Variants in SELENOF observed in about 807,000 individuals in gnomAD.
SELENOF encodes the protein 15 kDa selenoprotein.
In SELENOF, 16 loss-of-function variants were observed where a neutral mutation model predicts 20.5. The observed-to-expected ratio is 0.78, with a 90% CI of 0.53 to 1.19. The LOEUF (loss-of-function observed/expected upper bound fraction) is 1.19, where lower values mean the gene tolerates loss of function less well. Among genes scored for constraint, SELENOF ranks in the 50% most tolerant of loss-of-function variants. SELENOF has a pLI of 0.00. For missense variants in SELENOF, 215 were observed against 194.2 expected (o/e 1.11, Z -0.64); for synonymous variants, 78 against 74.5 (o/e 1.05, Z -0.24).
intron 3 of SELENOF, among the ~76,000 whole-genome samples, chr1:86,873,529 A>C (rs531831209): frequency 2.0e-5 from 3 of 152,276 alleles, no homozygotes; most frequent in African/African-American, 7.2e-5. Flanking sequence ...AGTGTGTCTA[A>C]GGAACTGAAT....
At chr1:86,886,785 T>C (rs112853435) in intron 2 of SELENOF, among the ~76,000 whole-genome samples, 2,996 of 152,236 alleles carry the variant, frequency 0.02, 106 homozygotes, top group African/African-American at 0.061. Flanking sequence ...TATAGGTCTA[T>C]TGAAGGTTTG....
chr1:86,866,708 T>C (rs978361055), intron 4 of SELENOF, among the ~76,000 whole-genome samples: 1 of 152,150 alleles, frequency 6.6e-6, no homozygotes, highest in Non-Finnish European at 1.5e-5. Context: ...TGAAAAGATA[T>C]TCAAATCATG....
At chr1:86,882,001 A>C (rs1659083100) in intron 2 of SELENOF, among the ~76,000 whole-genome samples, 1 of 152,144 alleles carries the variant, frequency 6.6e-6, no homozygotes, top group Admixed American at 6.5e-5. Context: ...AGGGAGGCTG[A>C]GGTGGGCGGA....
At chr1:86,872,947 G>A (rs911393526) in intron 3 of SELENOF, among the ~76,000 whole-genome samples, 2 of 152,074 alleles carry the variant, frequency 1.3e-5, no homozygotes, top group Admixed American at 6.5e-5. Flanking sequence ...GGCTGAGGCA[G>A]GAGAATGGCG....
intron 2 of SELENOF, among the ~76,000 whole-genome samples, chr1:86,886,932 A>C (rs959245916): frequency 1.1e-4 from 16 of 152,166 alleles, no homozygotes; most frequent in African/African-American, 3.9e-4. Context: ...CACTTTTCCA[A>C]ACACTAATAA....
At position 86,880,650 on chromosome 1, in the gene SELENOF, A is replaced by C. The variant is rs750239683; in HGVS notation, c.316+12T>G. 6.5e-7 allele frequency: 1 copy of C among 1,529,584 alleles called. No homozygotes were observed. The highest frequency in any genetic ancestry group is 2.3e-5 in the East Asian group (1 of 43,048). 94.8% of individuals were successfully genotyped at this position (1,529,584 alleles called of 1,614,324 possible). A position where few individuals can be genotyped will look rare whatever the true frequency, so the allele number is the denominator to read the frequency against. On this transcript the variant is annotated intron_variant, in intron 3 of 4. Coordinates refer to ENST00000331835, the MANE Select transcript of SELENOF (RefSeq NM_004261.5). ...AATGACTGAACAGTTTACTGGAGTAAATTTTATATACCTTGGACTTGAGGG... is the reference window on the plus strand; with the variant it reads ...AATGACTGAACAGTTTACTGGAGTACATTTTATATACCTTGGACTTGAGGG...
intron 3 of SELENOF, among the ~76,000 whole-genome samples, chr1:86,870,901 G>A (rs901674834): frequency 6.6e-6 from 1 of 152,072 alleles, no homozygotes. Flanking sequence ...TTACAGGCGT[G>A]AGCCACTGTG....
chr1:86,878,140 T>A (rs1658971838), intron 3 of SELENOF, among the ~76,000 whole-genome samples: 1 of 152,234 alleles, frequency 6.6e-6, no homozygotes, highest in African/African-American at 2.4e-5. Flanking sequence ...TTAGAAGGCA[T>A]ATTTGGAATT....
intron 3 of SELENOF, 144 bp downstream of exon 3, chr1:86,880,517 TG>T (rs1261149450): frequency 4.0e-6 from 2 of 502,986 alleles, no homozygotes; most frequent in Non-Finnish European, 7.0e-6. Flanking sequence ...ACCACTTCCA[TG>T]AAAACAAATT....
chr1:86,906,023 T>C (rs1659818577), intron 1 of SELENOF, among the ~76,000 whole-genome samples: 1 of 152,224 alleles, frequency 6.6e-6, no homozygotes, highest in Non-Finnish European at 1.5e-5. Context: ...TCCAGTGGCA[T>C]TTCCCAATGA....
At chr1:86,906,700 G>C (rs1659835814) in intron 1 of SELENOF, among the ~76,000 whole-genome samples, 1 of 152,200 alleles carries the variant, frequency 6.6e-6, no homozygotes, top group Non-Finnish European at 1.5e-5. Flanking sequence ...TCAGCTACTA[G>C]ACATGTGAGT....
intron 2 of SELENOF, among the ~76,000 whole-genome samples, chr1:86,892,053 C>T (rs1201931304): frequency 6.6e-6 from 1 of 151,884 alleles, no homozygotes; most frequent in Non-Finnish European, 1.5e-5. Context: ...GCCTCAGCCT[C>T]TGGAGTAGCT....
chr1:86,871,847 A>G (rs1557454621), intron 3 of SELENOF, among the ~76,000 whole-genome samples: 1 of 152,240 alleles, frequency 6.6e-6, no homozygotes, highest in African/African-American at 2.4e-5. Flanking sequence ...ATCACATTGT[A>G]ATCACCTCAT....
intron 2 of SELENOF, among the ~76,000 whole-genome samples, chr1:86,884,765 T>C (rs1659170724): frequency 1.3e-5 from 2 of 152,224 alleles, no homozygotes; most frequent in Admixed American, 6.5e-5. Context: ...AACAGCAAGT[T>C]GGTAGGCCTT....
chr1:86,885,305 A>G (rs1659185752), intron 2 of SELENOF, among the ~76,000 whole-genome samples: 2 of 152,194 alleles, frequency 1.3e-5, no homozygotes, highest in African/African-American at 2.4e-5. Context: ...AAAAGGCCAC[A>G]CTATTTTTGT....
At chr1:86,900,675 G>GAGGGAGACGGAGACAC (rs1659678986) in intron 2 of SELENOF, among the ~76,000 whole-genome samples, 2 of 151,860 alleles carry the variant, frequency 1.3e-5, no homozygotes, top group African/African-American at 2.4e-5. Flanking sequence ...GACGGAGACA[G>GAGGGAGACGGAGACAC]AGACGGAGAC....
chr1:86,875,058 A>G (rs575693281), intron 3 of SELENOF, among the ~76,000 whole-genome samples: 2 of 152,222 alleles, frequency 1.3e-5, no homozygotes, highest in East Asian at 3.9e-4. Flanking sequence ...ACATGGTGAA[A>G]CTCCATCTCT....
At chr1:86,880,246 C>A (rs1659031842) in intron 3 of SELENOF, among the ~76,000 whole-genome samples, 1 of 151,976 alleles carries the variant, frequency 6.6e-6, no homozygotes. Flanking sequence ...AGTGATTCTC[C>A]CGCCTCCGCC....
intron 2 of SELENOF, among the ~76,000 whole-genome samples, chr1:86,896,753 G>A (rs1337157399): frequency 6.6e-6 from 1 of 152,170 alleles, no homozygotes; most frequent in East Asian, 1.9e-4. Context: ...TAACCAAAGA[G>A]TGTTACCAAT....
Sources: allele counts gnomAD v4.1 joint callset (sites outside exome capture counted in the v4.1 genomes callset), GRCh38; gene constraint gnomAD v4.1.1; transcripts MANE v1.5; gene names NCBI Gene and HGNC (gene_info 2026-07-23, HGNC 2026-07-21).